Variants in CEP128 observed in about 807,000 individuals in gnomAD.
CEP128 encodes centrosomal protein 128kDa.
CEP128 carries 132 observed loss-of-function variants against 156.7 expected under a neutral mutation model. The ratio of observed to expected loss-of-function variants is 0.84; its 90% CI spans 0.73 to 0.97. The LOEUF is 0.97. Ranked by LOEUF, CEP128 falls within the 50% of genes least tolerant of loss-of-function variation. The pLI is 0.00. For missense variants in CEP128, 1,252 were observed against 1,281.9 expected (o/e 0.98, Z 0.36); for synonymous variants, 469 against 448.9 (o/e 1.04, Z -0.57).
intron 19 of CEP128, among the ~76,000 whole-genome samples, chr14:80,626,452 C>A (rs1893725720): frequency 8.8e-6 from 1 of 113,986 alleles, no homozygotes; most frequent in African/African-American, 3.7e-5. Flanking sequence ...GCCTGGGCGA[C>A]AGAGCGAGAC....
intron 19 of CEP128, among the ~76,000 whole-genome samples, chr14:80,705,950 TA>T (rs983235788): frequency 6.6e-6 from 1 of 152,106 alleles, no homozygotes; most frequent in Non-Finnish European, 1.5e-5. Context: ...TTGGTAACAA[TA>T]ATGACAGGTA....
At chr14:80,502,969 T>A (rs1263355527) in intron 24 of CEP128, among the ~76,000 whole-genome samples, 1 of 152,058 alleles carries the variant, frequency 6.6e-6, no homozygotes, top group Non-Finnish European at 1.5e-5. Context: ...CAAATAAGAA[T>A]GTTTTCTAGA....
intron 20 of CEP128, among the ~76,000 whole-genome samples, chr14:80,573,059 A>G (rs1891212261): frequency 6.6e-6 from 1 of 150,656 alleles, no homozygotes; most frequent in Admixed American, 6.6e-5. Context: ...AGTAGCTGGG[A>G]TTACAGGTGT....
intron 16 of CEP128, among the ~76,000 whole-genome samples, chr14:80,775,691 T>G (rs1900749630): frequency 6.6e-6 from 1 of 152,276 alleles, no homozygotes; most frequent in African/African-American, 2.4e-5. Context: ...ATATAGCAGA[T>G]GCTCAATACA....
intron 19 of CEP128, among the ~76,000 whole-genome samples, chr14:80,597,817 T>G (rs900536311): frequency 6.6e-6 from 1 of 151,726 alleles, no homozygotes; most frequent in Non-Finnish European, 1.5e-5. Context: ...ATCCATTATC[T>G]TAACAGGCTG....
At chr14:80,907,935 A>C (rs575621308) in intron 4 of CEP128, among the ~76,000 whole-genome samples, 4 of 152,140 alleles carry the variant, frequency 2.6e-5, no homozygotes, top group Non-Finnish European at 5.9e-5. Flanking sequence ...GATCATAAAA[A>C]TTAGCGTCAG....
intron 13 of CEP128, chr14:80,830,794 A>C: frequency 5.0e-6 from 1 of 200,556 alleles, no homozygotes; most frequent in Non-Finnish European, 1.0e-5. Context: ...CCGCAAAATA[A>C]ATAATAATTC....
intron 19 of CEP128, among the ~76,000 whole-genome samples, chr14:80,729,052 GGTGGGGGTGTGTGTGTGTGTGTGTGT>G (rs1898131504): frequency 1.1e-5 from 1 of 94,688 alleles, no homozygotes; most frequent in African/African-American, 5.6e-5. Context: ...AGGCTGGGCT[GGTGGGGGTGTGTGTGTGTGTGTGTGT>G]GTGTGTGTGT....
intron 7 of CEP128, 65 bp from the exon 8 acceptor site, chr14:80,895,855 A>G: frequency 9.3e-7 from 1 of 1,077,912 alleles, no homozygotes; most frequent in South Asian, 1.7e-5. Flanking sequence ...AACGAGTGAA[A>G]TGTATAACAT....
chr14:80,491,113 G>T (rs1887308584), intron 6 of CEP128, among the ~76,000 whole-genome samples: 2 of 152,192 alleles, frequency 1.3e-5, no homozygotes, highest in Admixed American at 1.3e-4. Flanking sequence ...ACCCTCAGTG[G>T]AATCTAATCC....
chr14:80,862,617 C>T, intron 9 of CEP128, 140 bp downstream of exon 9: 1 of 646,868 alleles, frequency 1.5e-6, no homozygotes, highest in Non-Finnish European at 2.7e-6. Context: ...TGATTCTATA[C>T]ACTGAACTAT....
chr14:80,521,671 G>A (rs1222016602), intron 23 of CEP128, among the ~76,000 whole-genome samples: 1 of 152,096 alleles, frequency 6.6e-6, no homozygotes, highest in Non-Finnish European at 1.5e-5. Flanking sequence ...AAGCATTACT[G>A]GAAAAATAGC....
intron 19 of CEP128, among the ~76,000 whole-genome samples, chr14:80,624,038 GCTGTAGC>G (rs1374463021): frequency 2.0e-5 from 3 of 152,064 alleles, no homozygotes; most frequent in East Asian, 3.8e-4. Flanking sequence ...TTCCCATCTA[GCTGTAGC>G]TTTGTCTGTT....
chr14:80,749,874 T>C (rs1005098834), intron 18 of CEP128, among the ~76,000 whole-genome samples: 1 of 152,160 alleles, frequency 6.6e-6, no homozygotes, highest in Admixed American at 6.5e-5. Context: ...AAATATCAAC[T>C]TTTAGCAGAT....
chr14:80,678,049 A>C (rs60483339), intron 19 of CEP128, among the ~76,000 whole-genome samples: 3 of 98,502 alleles, frequency 3.0e-5, no homozygotes, highest in South Asian at 5.5e-4. Context: ...ATAAAAAAAA[A>C]ATATATATAT....
chr14:80,867,584 C>G (rs1056806800), intron 8 of CEP128, among the ~76,000 whole-genome samples: 7 of 151,796 alleles, frequency 4.6e-5, no homozygotes, highest in African/African-American at 1.7e-4. Flanking sequence ...AATGACTGAA[C>G]TGAATAATTC....
At chr14:80,613,079 C>T (rs1249632191) in intron 19 of CEP128, among the ~76,000 whole-genome samples, 3 of 147,972 alleles carry the variant, frequency 2.0e-5, no homozygotes, top group Admixed American at 1.4e-4. Context: ...TGCTCTCGAA[C>T]TCCTGAGCTC....
chr14:80,871,621 A>G (rs1888032430), intron 8 of CEP128, among the ~76,000 whole-genome samples: 1 of 152,146 alleles, frequency 6.6e-6, no homozygotes, highest in Non-Finnish European at 1.5e-5. Flanking sequence ...TCCTAATAAT[A>G]AGAATTATTT....
chr14:80,953,369 A>C (rs1373622936), intron 2 of CEP128, among the ~76,000 whole-genome samples: 1 of 152,154 alleles, frequency 6.6e-6, no homozygotes, highest in Non-Finnish European at 1.5e-5. Context: ...GCGGATCACG[A>C]GATCAGGAGT....
Sources: allele counts gnomAD v4.1 joint callset (sites outside exome capture counted in the v4.1 genomes callset), GRCh38; gene constraint gnomAD v4.1.1; transcripts MANE v1.5; gene names NCBI Gene and HGNC (gene_info 2026-07-23, HGNC 2026-07-21).